CSMD3: variants seen among roughly 807,000 people sequenced by gnomAD.
CSMD3 encodes the protein CUB and sushi domain-containing protein 3.
CSMD3 carries 177 observed loss-of-function variants against 435.2 expected under a neutral mutation model. That is an observed-to-expected ratio of 0.41 (90% CI 0.36 to 0.46). The LOEUF (loss-of-function observed/expected upper bound fraction) is 0.46, where lower values mean the gene tolerates loss of function less well. Among genes scored for constraint, CSMD3 ranks in the 20% least tolerant of loss-of-function variants. The probability of loss-of-function intolerance (pLI) is 0.34; values close to 1 mark genes in which losing one functional copy is unlikely to be tolerated. For synonymous variants in CSMD3, 1,656 were observed against 1,520.5 expected, an observed-to-expected ratio of 1.09 and a Z score of -2.07; for missense variants, 4,265 against 4,504.6, an observed-to-expected ratio of 0.95 and a Z score of 1.52.
chr8:112,341,746 T>C (rs1473582310), intron 41 of CSMD3, 60 bp from the exon 42 acceptor site: 5 of 1,013,804 alleles, frequency 4.9e-6, no homozygotes, highest in Middle Eastern at 2.7e-4. Flanking sequence ...AACATAAATA[T>C]ACACACACAC....
intron 32 of CSMD3, among the ~76,000 whole-genome samples, chr8:112,429,434 GAT>G (rs542611592): frequency 6.6e-6 from 1 of 151,414 alleles, no homozygotes; most frequent in Admixed American, 6.6e-5. Flanking sequence ...AAGCAAAAAA[GAT>G]ATATATATAT....
At chr8:112,748,247 AAT>A (rs1322119870) in intron 13 of CSMD3, among the ~76,000 whole-genome samples, 1 of 152,198 alleles carries the variant, frequency 6.6e-6, no homozygotes, top group Admixed American at 6.5e-5. Flanking sequence ...TGAATAGGAA[AAT>A]ATATGATGGC....
chr8:112,473,672 T>C (rs1273905707), intron 31 of CSMD3, among the ~76,000 whole-genome samples: 1 of 149,900 alleles, frequency 6.7e-6, no homozygotes, highest in Non-Finnish European at 1.5e-5. Flanking sequence ...CAATCTGGAG[T>C]GTAAGAGTGG....
chr8:113,039,326 A>G (rs1485983556), intron 5 of CSMD3, among the ~76,000 whole-genome samples: 6 of 152,290 alleles, frequency 3.9e-5, no homozygotes, highest in Non-Finnish European at 8.8e-5. Context: ...TTTAAATGCT[A>G]TATAACCTAC....
At chr8:113,379,398 G>A (rs2094405179) in intron 1 of CSMD3, among the ~76,000 whole-genome samples, 1 of 151,988 alleles carries the variant, frequency 6.6e-6, no homozygotes, top group South Asian at 2.1e-4. Context: ...TATTCCACAA[G>A]GCATATAACC....
At chr8:113,189,761 T>G (rs1388520166) in intron 3 of CSMD3, among the ~76,000 whole-genome samples, 2 of 151,938 alleles carry the variant, frequency 1.3e-5, no homozygotes, top group East Asian at 3.9e-4. Context: ...ACTTCAGAAC[T>G]CTTCTTCTCT....
At chr8:112,547,882 T>A (rs1827326311) in intron 27 of CSMD3, among the ~76,000 whole-genome samples, 1 of 152,128 alleles carries the variant, frequency 6.6e-6, no homozygotes, top group South Asian at 2.1e-4. Flanking sequence ...AATACCTGGT[T>A]CTTACTAGAC....
intron 11 of CSMD3, among the ~76,000 whole-genome samples, chr8:112,838,811 TTAAG>T (rs2080100322): frequency 6.6e-6 from 1 of 151,738 alleles, no homozygotes; most frequent in South Asian, 2.1e-4. Flanking sequence ...TTAATGATGT[TTAAG>T]TAATAATCAT....
At chr8:112,455,200 A>G (rs1816705645) in intron 32 of CSMD3, among the ~76,000 whole-genome samples, 1 of 152,188 alleles carries the variant, frequency 6.6e-6, no homozygotes, top group Non-Finnish European at 1.5e-5. Flanking sequence ...GGTGGTCATC[A>G]ATGGTGGACC....
chr8:112,858,134 T>A (rs231302), intron 11 of CSMD3, among the ~76,000 whole-genome samples: 1 of 151,400 alleles, frequency 6.6e-6, no homozygotes, highest in Non-Finnish European at 1.5e-5. Context: ...AAGAACTTGA[T>A]AAGTGATCAC....
chr8:112,930,223 A>G (rs1222398184), intron 9 of CSMD3, among the ~76,000 whole-genome samples: 2 of 152,108 alleles, frequency 1.3e-5, no homozygotes, highest in Non-Finnish European at 2.9e-5. Flanking sequence ...CATTAACTTT[A>G]ACTGTTCCCA....
At chr8:112,682,342 T>C (rs1409209020) in intron 16 of CSMD3, 100 bp downstream of exon 16, 7 of 882,924 alleles carry the variant, frequency 7.9e-6, no homozygotes, top group Non-Finnish European at 1.3e-5. Flanking sequence ...TGTTTTAAGA[T>C]AATGATTATG....
intron 32 of CSMD3, among the ~76,000 whole-genome samples, chr8:112,440,374 G>A (rs1480670667): frequency 6.6e-6 from 1 of 152,118 alleles, no homozygotes; most frequent in East Asian, 1.9e-4. Context: ...TAGATCTGCA[G>A]GGTATAGCCA....
intron 1 of CSMD3, among the ~76,000 whole-genome samples, chr8:113,365,790 C>G (rs1295772563): frequency 6.6e-6 from 1 of 151,916 alleles, no homozygotes; most frequent in Non-Finnish European, 1.5e-5. Flanking sequence ...GAGTGTCGTT[C>G]TGTTATAATC....
intron 22 of CSMD3, among the ~76,000 whole-genome samples, chr8:112,630,104 T>G (rs2074472659): frequency 6.6e-6 from 1 of 152,146 alleles, no homozygotes; most frequent in African/African-American, 2.4e-5. Context: ...AACTCAGCCC[T>G]GGTTAACACA....
chr8:113,136,970 A>T (rs2091433281), intron 4 of CSMD3, among the ~76,000 whole-genome samples: 1 of 151,738 alleles, frequency 6.6e-6, no homozygotes, highest in Admixed American at 6.6e-5. Context: ...TTTACACAGA[A>T]ATAAATTTGT....
intron 13 of CSMD3, among the ~76,000 whole-genome samples, chr8:112,791,206 C>T (rs764196838): frequency 3.3e-5 from 5 of 151,590 alleles, no homozygotes; most frequent in South Asian, 2.1e-4. Context: ...GCCTGTTGTC[C>T]CAGCTACTCG....
At chr8:112,655,619 A>T (rs1375382824) in intron 18 of CSMD3, among the ~76,000 whole-genome samples, 1 of 152,058 alleles carries the variant, frequency 6.6e-6, no homozygotes. Flanking sequence ...TATAGCTTGT[A>T]TTAATATAGT....
rs1429332449 is a variant in CSMD3, at chr8:112,694,258, T to C, written c.1973-4208A>G. 3.9e-5 allele frequency among the ~76,000 whole-genome samples: 6 copies of C among 152,254 alleles called. No individual in the cohort carries two copies. The Middle Eastern group carries it at 0.01, about 259-fold the overall frequency. On this transcript the variant is annotated intron_variant, in intron 13 of 70. Transcript: ENST00000297405. ...ATACAGTGAATCATAATGGCTGTTA[T>C]GCCTATGATGAAAAGGCACAGGAGG...
Sources: gnomAD v4.1 joint callset for allele counts (sites outside exome capture counted in the v4.1 genomes callset) on GRCh38, gnomAD v4.1.1 for gene constraint, MANE v1.5 for transcripts, NCBI Gene and HGNC (gene_info 2026-07-23, HGNC 2026-07-21) for gene names.